Variants in TTC39C observed in about 807,000 individuals in gnomAD.
The protein encoded by TTC39C is tetratricopeptide repeat domain 39C, also known as tetratricopeptide repeat protein 39C.
A neutral mutation model predicts 76.3 loss-of-function variants in TTC39C; 33 were observed. The observed-to-expected ratio is 0.43, with a 90% CI of 0.33 to 0.58. The LOEUF (loss-of-function observed/expected upper bound fraction) is 0.58, where lower values mean the gene tolerates loss of function less well. TTC39C is among the 20% of genes least tolerant of loss of function. TTC39C has a pLI of 0.04. For synonymous variants in TTC39C, 254 were observed against 260.6 expected, an observed-to-expected ratio of 0.97 and a Z score of 0.24; for missense variants, 595 against 701.4, an observed-to-expected ratio of 0.85 and a Z score of 1.71.
At chr18:24,019,877 C>T (rs1205036579) in intron 1 of TTC39C, 1 of 1,527,542 alleles carries the variant, frequency 6.5e-7, no homozygotes, top group Non-Finnish European at 8.7e-7. Context: ...TTTTTGACTT[C>T]TGAGAAAACC....
chr18:24,052,541 TAA>T (rs11331260), intron 1 of TTC39C, among the ~76,000 whole-genome samples: 38 of 151,768 alleles, frequency 2.5e-4, no homozygotes, highest in African/African-American at 3.4e-4. Flanking sequence ...TATCTTGCTT[TAA>T]AAAAAAAATT....
Position 24,132,509 on chromosome 18 carries a change from G to GAA in TTC39C, c.1690_1691dup (p.Asn564LysfsTer15). Reference sequence around the variant, plus strand: ...GGAGGATTTCTCTGGCTACGACTTTGAAAACAGATTGCATGTCCGCATCCA... The same window carrying GAA: ...GGAGGATTTCTCTGGCTACGACTTTGAAAAAACAGATTGCATGTCCGCATCCA... On this transcript the variant is annotated frameshift_variant, in exon 14 of 14. Transcript: ENST00000317571. LOFTEE classifies it high-confidence loss of function. 6.2e-7 allele frequency: 1 copy of GAA among 1,614,084 alleles called. No individual in the cohort carries two copies. Among genetic ancestry groups the GAA allele is most frequent in the Non-Finnish European group, 8.5e-7 (1 of 1,180,006 alleles).
At chr18:24,007,863 C>T (rs1483512234) in intron 1 of TTC39C, among the ~76,000 whole-genome samples, 1 of 146,950 alleles carries the variant, frequency 6.8e-6, no homozygotes, top group Non-Finnish European at 1.5e-5. Flanking sequence ...ATACTGTTGA[C>T]AAGTAAATAT....
intron 1 of TTC39C, among the ~76,000 whole-genome samples, chr18:24,024,004 A>T (rs866100979): frequency 0.15 from 712 of 4,760 alleles, 88 homozygotes; most frequent in South Asian, 0.2. Context: ...ATATATATAT[A>T]TATATATATA....
rs560772246 is a variant in TTC39C at position 24,112,658 on chromosome 18, G to A, written c.985-1896G>A. Among the ~76,000 whole-genome samples the A allele has an allele frequency of 1.8e-4, 27 of 152,236 alleles. No homozygotes were observed. The East Asian group carries it at 4.6e-3, about 26-fold the overall frequency. On this transcript the variant is annotated intron_variant, in intron 6 of 13. Coordinates refer to ENST00000317571, the MANE Select transcript of TTC39C (RefSeq NM_001135993.2). The stretch of plus-strand genomic sequence containing the variant: ...AATTTTCTGTCCTCTGAAGGACAGC[G>A]TGCTATTGCACTGTCATGTACCATG...
At chr18:24,033,666 T>G (rs1046158663) in intron 1 of TTC39C, among the ~76,000 whole-genome samples, 1 of 152,364 alleles carries the variant, frequency 6.6e-6, no homozygotes, top group Non-Finnish European at 1.5e-5. Context: ...AATAACACAG[T>G]TCAATTTTCA....
At chr18:24,051,455 G>T (rs780839754) in intron 1 of TTC39C, among the ~76,000 whole-genome samples, 8 of 152,212 alleles carry the variant, frequency 5.3e-5, no homozygotes, top group Non-Finnish European at 1.0e-4. Flanking sequence ...CCCCTGACCT[G>T]CAGGGACATC....
chr18:24,094,189 C>T (rs2084561475), intron 6 of TTC39C, among the ~76,000 whole-genome samples: 1 of 152,202 alleles, frequency 6.6e-6, no homozygotes, highest in Non-Finnish European at 1.5e-5. Context: ...TTTCTTTTCT[C>T]ACTCATCTTA....
At chr18:24,129,997 T>A (rs903895666) in intron 11 of TTC39C, among the ~76,000 whole-genome samples, 9 of 152,182 alleles carry the variant, frequency 5.9e-5, no homozygotes, top group African/African-American at 2.2e-4. Context: ...GTTTTAAATA[T>A]TAAAATGGGA....
At chr18:24,083,395 AT>A (rs2084401168) in intron 6 of TTC39C, among the ~76,000 whole-genome samples, 2 of 151,952 alleles carry the variant, frequency 1.3e-5, no homozygotes, top group Non-Finnish European at 2.9e-5. Flanking sequence ...ACAAAATACA[AT>A]TTTTTTCCCT....
Position 24,129,001 on chromosome 18 carries a change from T to G in TTC39C, c.1518+18T>G. 4 of 1,601,244 alleles carry G rather than the reference T, an allele frequency of 2.5e-6. No homozygotes were observed. Among genetic ancestry groups the G allele is most frequent in the Non-Finnish European group, 3.4e-6 (4 of 1,171,154 alleles). On this transcript the variant is annotated intron_variant, in intron 11 of 13. Coordinates refer to ENST00000317571, the MANE Select transcript of TTC39C (RefSeq NM_001135993.2). Reference sequence around the variant, plus strand: ...CTGTTCAGGTAAACTGTTAATGTTGTCAGGGCTAAAGAAAATAAGTCACGA... The same window carrying G: ...CTGTTCAGGTAAACTGTTAATGTTGGCAGGGCTAAAGAAAATAAGTCACGA...
At chr18:24,001,281 A>G (rs149319817) in intron 1 of TTC39C, among the ~76,000 whole-genome samples, 167 of 152,312 alleles carry the variant, frequency 1.1e-3, no homozygotes, top group Admixed American at 3.3e-3. Flanking sequence ...CCCCAGGTCA[A>G]CCTGGCTTGG....
intron 1 of TTC39C, among the ~76,000 whole-genome samples, chr18:24,033,026 G>A (rs2083689814): frequency 6.6e-6 from 1 of 152,222 alleles, no homozygotes; most frequent in Non-Finnish European, 1.5e-5. Flanking sequence ...GTGAAGTCGA[G>A]TGGATCACTT....
intron 1 of TTC39C, among the ~76,000 whole-genome samples, chr18:24,028,474 G>A (rs141875677): frequency 6.6e-6 from 1 of 152,238 alleles, no homozygotes; most frequent in Non-Finnish European, 1.5e-5. Context: ...CTAAAGTCTA[G>A]AAATTTATAC....
rs74681490 is a variant in TTC39C, at chr18:24,105,120, G to A, written c.985-9434G>A. 5.1e-4 allele frequency among the ~76,000 whole-genome samples: 77 copies of A among 151,634 alleles called. 2 individuals carry two copies. In the East Asian group the frequency reaches 0.014, roughly 28 times the overall value. ...TGTTAGCATCTTTAGTATAGAAAGA[G>A]TTCTTTCAAAATTAGGACATAATGG... On this transcript the variant is annotated intron_variant, in intron 6 of 13. Transcript: ENST00000317571.
At chr18:24,115,152 G>C (rs1400789337) in intron 7 of TTC39C, 1 of 152,762 alleles carries the variant, frequency 6.5e-6, no homozygotes, top group African/African-American at 2.4e-5. Context: ...CTCATGCAGG[G>C]GGCCTGGCAC....
At chr18:24,110,216 T>C (rs112202618) in intron 6 of TTC39C, among the ~76,000 whole-genome samples, 2 of 152,328 alleles carry the variant, frequency 1.3e-5, no homozygotes, top group African/African-American at 4.8e-5. Context: ...TAAAATGTAC[T>C]ACTCAATCCA....
rs764375668 is a variant in TTC39C at position 24,131,909 on chromosome 18, C to G, written c.1651C>G (p.Leu551Val). The G allele has an allele frequency of 2.5e-6, 4 of 1,613,222 alleles. No homozygotes were observed. In the African/African-American group the frequency reaches 5.3e-5, roughly 22 times the overall value. Residue 551 changes from leucine (L) to valine (V), a missense_variant, in exon 13 of 14, where the codon CTT becomes GTT. Transcript: ENST00000317571. ...TGTAGGAAGAGGCAGAGCTCTACTT[C>G]TTCAAGCAAAGGTAAATATCCTGAA... is the stretch of plus-strand genomic sequence containing the variant. ...ETVGRGRALL[L>V]QAKEDFSGYD...
intron 1 of TTC39C, among the ~76,000 whole-genome samples, chr18:24,029,267 T>C (rs2083639512): frequency 6.6e-6 from 1 of 152,098 alleles, no homozygotes; most frequent in Admixed American, 6.6e-5. Context: ...CACGCGTGGC[T>C]AAGTTTTGTA....
Sources: gnomAD v4.1 joint callset for allele counts (sites outside exome capture counted in the v4.1 genomes callset) on GRCh38, gnomAD v4.1.1 for gene constraint, MANE v1.5 for transcripts, NCBI Gene and HGNC (gene_info 2026-07-23, HGNC 2026-07-21) for gene names.